Variants in ARHGAP20 observed in about 807,000 individuals in gnomAD.
ARHGAP20 encodes rho GTPase-activating protein 20.
In ARHGAP20, 34 loss-of-function variants were observed where a neutral mutation model predicts 73.7. That is an observed-to-expected ratio of 0.46 (90% CI 0.35 to 0.61). The LOEUF (loss-of-function observed/expected upper bound fraction) is 0.61. ARHGAP20 is among the 20% of genes least tolerant of loss of function. ARHGAP20 has a pLI of 0.00. For synonymous variants in ARHGAP20, 523 were observed against 518.2 expected (o/e 1.01, Z -0.13); for missense variants, 1,314 against 1,420.9 (o/e 0.92, Z 1.21).
At chr11:110,699,393 T>A (rs1308470197) in intron 1 of ARHGAP20, among the ~76,000 whole-genome samples, 1 of 151,954 alleles carries the variant, frequency 6.6e-6, no homozygotes, top group African/African-American at 2.4e-5. Flanking sequence ...TCGGCTAGAA[T>A]GTTCTGTAAA....
chr11:110,648,206 TG>T (rs1565457413), intron 2 of ARHGAP20, among the ~76,000 whole-genome samples: 1 of 87,926 alleles, frequency 1.1e-5, no homozygotes, highest in African/African-American at 6.5e-5. Context: ...TATATATATA[TG>T]TAAATATATA....
chr11:110,666,756 G>T (rs1056552411), intron 2 of ARHGAP20, among the ~76,000 whole-genome samples: 1 of 152,090 alleles, frequency 6.6e-6, no homozygotes, highest in South Asian at 2.1e-4. Flanking sequence ...TATCTGTTGT[G>T]ATCTGTGATC....
At chr11:110,681,541 T>C (rs1049698192) in intron 2 of ARHGAP20, among the ~76,000 whole-genome samples, 4 of 152,194 alleles carry the variant, frequency 2.6e-5, no homozygotes, top group African/African-American at 9.6e-5. Context: ...AAGATTTTAC[T>C]ACAATCCTCA....
intron 2 of ARHGAP20, among the ~76,000 whole-genome samples, chr11:110,679,533 G>C (rs539708045): frequency 1.0e-3 from 156 of 152,306 alleles, no homozygotes; most frequent in African/African-American, 3.6e-3. Flanking sequence ...GATGTTTTAT[G>C]AGTTGCAATA....
At chr11:110,698,533 A>T (rs1024524163) in intron 1 of ARHGAP20, among the ~76,000 whole-genome samples, 2 of 151,840 alleles carry the variant, frequency 1.3e-5, no homozygotes, top group African/African-American at 2.4e-5. Context: ...TCAACTGTGA[A>T]TCTGTCTGGT....
At chr11:110,655,862 G>A (rs1191166027) in intron 2 of ARHGAP20, among the ~76,000 whole-genome samples, 2 of 152,152 alleles carry the variant, frequency 1.3e-5, no homozygotes, top group Admixed American at 6.6e-5. Flanking sequence ...ATTTCTCTGA[G>A]TATCTTCCAT....
chr11:110,679,681 C>T (rs1950001039), intron 2 of ARHGAP20, among the ~76,000 whole-genome samples: 1 of 152,124 alleles, frequency 6.6e-6, no homozygotes. Flanking sequence ...TCTCCCCTCC[C>T]CTATCACCAA....
At chr11:110,588,771 A>AT (rs1220535428) in intron 11 of ARHGAP20, among the ~76,000 whole-genome samples, 4 of 151,916 alleles carry the variant, frequency 2.6e-5, no homozygotes, top group African/African-American at 4.8e-5. Flanking sequence ...ATAGTAAGAA[A>AT]TTTTTTTTTC....
intron 1 of ARHGAP20, among the ~76,000 whole-genome samples, chr11:110,694,173 G>T (rs1950293877): frequency 6.6e-6 from 1 of 151,728 alleles, no homozygotes. Context: ...CAAATATGAA[G>T]TAGTACCTAT....
Position 110,579,002 on chromosome 11 carries a change from C to A in ARHGAP20, c.*368G>T. 1.0e-6 allele frequency: 1 copy of A among 996,946 alleles called. No homozygotes were observed. The highest frequency in any genetic ancestry group is 1.2e-6 in the Non-Finnish European group (1 of 836,124). The allele number at this position is 996,946 out of a possible 1,614,324, so 61.8% of individuals were successfully genotyped here. A position where few individuals can be genotyped will look rare whatever the true frequency, so the allele number is the denominator to read the frequency against. ...TGTACCCTTCCCCTCTCTCCTCAGG[C>A]CCCTATTCCTCATTCCTGATATCTT... On this transcript the variant is annotated 3_prime_UTR_variant, in exon 15 of 15. Transcript: ENST00000683387.
rs1949814165 is a variant in ARHGAP20 at position 110,670,868 on chromosome 11, C to G, written c.188+19679G>C. On this transcript the variant is annotated intron_variant, in intron 2 of 14. Transcript: ENST00000683387. ...TCCAATTAACTGACCGGTCTTACCC[C>G]AAATTGTCAAGGAACAAGGAAGGTC... Among the ~76,000 whole-genome samples the G allele has an allele frequency of 2.0e-5, 3 of 151,892 alleles. No homozygotes were observed. In the South Asian group the frequency reaches 6.2e-4, roughly 31 times the overall value.
chr11:110,586,226 T>C lies in ARHGAP20; in HGVS notation c.1405A>G (p.Thr469Ala), dbSNP rs745888650. ...AATTAGAATAATTACCTTTGAACAG[T>C]ATTTATTTTCTCTTCATCATTTCCT... ...DQGNDEEKIN[T>A]VQRLLDQLPR... is the part of the protein sequence containing the mutation. Residue 469 changes from threonine (T) to alanine (A), a missense_variant, in exon 12 of 15, where the codon ACT becomes GCT. By Grantham distance (58) the Thr-to-Ala change is moderately conservative. Coordinates refer to ENST00000683387, the MANE Select transcript of ARHGAP20 (RefSeq NM_001384657.1). 3.3e-6 allele frequency: 5 copies of C among 1,517,700 alleles called. No homozygotes were observed. The highest frequency in any genetic ancestry group is 4.4e-6 in the Non-Finnish European group (5 of 1,125,402). The allele number at this position is 1,517,700 out of a possible 1,614,324, so 94.0% of individuals were successfully genotyped here.
At chr11:110,671,932 A>G (rs775938577) in intron 2 of ARHGAP20, among the ~76,000 whole-genome samples, 3 of 152,162 alleles carry the variant, frequency 2.0e-5, no homozygotes, top group Admixed American at 6.6e-5. Flanking sequence ...ATTTCAATCA[A>G]TTTCTTTGAT....
chr11:110,579,877 C>G lies in ARHGAP20; in HGVS notation c.3069G>C (p.Trp1023Cys). ...PAYTKKDTME[W>C]HSQMHSVTLH... ...GAGTTACAGAATGCATTTGTGAATGCCACTCCATGGTGTCCTTCTTTGTAT... is the reference window on the plus strand; with the variant it reads ...GAGTTACAGAATGCATTTGTGAATGGCACTCCATGGTGTCCTTCTTTGTAT... Residue 1023 changes from tryptophan (W) to cysteine (C), a missense_variant, in exon 15 of 15, where the codon TGG becomes TGC. Around this residue, in one of 3 missense-constraint regions of ARHGAP20, gnomAD observed 641 missense variants for 636.9 expected, o/e 1.01. Coordinates refer to ENST00000683387, the MANE Select transcript of ARHGAP20 (RefSeq NM_001384657.1). 6.2e-7 allele frequency: 1 copy of G among 1,614,228 alleles called. No individual in the cohort carries two copies. The highest frequency in any genetic ancestry group is 8.5e-7 in the Non-Finnish European group (1 of 1,180,044).
rs903980626 is a variant in ARHGAP20 at position 110,578,977 on chromosome 11, T to C, written c.*393A>G. 14 of 991,436 alleles carry C rather than the reference T, an allele frequency of 1.4e-5. No homozygotes were observed. In the African/African-American group the frequency reaches 2.1e-4, roughly 15 times the overall value. 61.4% of individuals were successfully genotyped at this position (991,436 alleles called of 1,614,324 possible). On this transcript the variant is annotated 3_prime_UTR_variant, in exon 15 of 15. Coordinates refer to ENST00000683387, the MANE Select transcript of ARHGAP20 (RefSeq NM_001384657.1). ...TTCCATGGAATGTAGATGGTTTCTCTGTACCCTTCCCCTCTCTCCTCAGGC... is the reference window on the plus strand; with the variant it reads ...TTCCATGGAATGTAGATGGTTTCTCCGTACCCTTCCCCTCTCTCCTCAGGC...
chr11:110,617,475 C>A (rs2134908611), intron 4 of ARHGAP20, among the ~76,000 whole-genome samples: 1 of 152,180 alleles, frequency 6.6e-6, no homozygotes, highest in Middle Eastern at 3.4e-3. Flanking sequence ...GTTGGCCAGG[C>A]TGGTCTCAAA....
intron 6 of ARHGAP20, among the ~76,000 whole-genome samples, chr11:110,613,054 G>A (rs932097538): frequency 3.3e-5 from 5 of 152,136 alleles, no homozygotes; most frequent in African/African-American, 7.2e-5. Context: ...GTCTTATAAC[G>A]TGAAGAATCT....
chr11:110,582,554 C>A, intron 13 of ARHGAP20, 119 bp from the exon 14 acceptor site: 1 of 642,166 alleles, frequency 1.6e-6, no homozygotes, highest in South Asian at 2.0e-5. Context: ...AAATTCATAT[C>A]GGCTTTAAAA....
intron 2 of ARHGAP20, among the ~76,000 whole-genome samples, chr11:110,642,633 G>A (rs1221980258): frequency 2.0e-5 from 3 of 152,082 alleles, no homozygotes; most frequent in African/African-American, 7.2e-5. Context: ...CAGGAATAAA[G>A]TCTACTTGGT....
Sources: allele counts gnomAD v4.1 joint callset (sites outside exome capture counted in the v4.1 genomes callset), GRCh38; gene constraint gnomAD v4.1.1; regional missense constraint gnomAD v4.1.1; transcripts MANE v1.5; gene names NCBI Gene and HGNC (gene_info 2026-07-23, HGNC 2026-07-21).